The following TESK2 variants were observed in gnomAD, a reference collection of about 807,000 sequenced individuals.
TESK2 encodes testis associated actin remodelling kinase 2.
A neutral mutation model predicts 57.1 loss-of-function variants in TESK2; 39 were observed. The ratio of observed to expected loss-of-function variants is 0.68; its 90% CI spans 0.53 to 0.89. The LOEUF (loss-of-function observed/expected upper bound fraction) is 0.89, where lower values mean the gene tolerates loss of function less well. Ranked by LOEUF, TESK2 falls within the 40% of genes least tolerant of loss-of-function variation. The pLI is 0.00. For missense variants in TESK2, 646 were observed against 732.1 expected (o/e 0.88, Z 1.36); for synonymous variants, 249 against 267.9 (o/e 0.93, Z 0.69).
intron 3 of TESK2, among the ~76,000 whole-genome samples, chr1:45,402,960 C>A (rs1252141736): frequency 6.6e-6 from 1 of 151,622 alleles, no homozygotes; most frequent in Non-Finnish European, 1.5e-5. Context: ...ATTTCTTGGA[C>A]TTGGGCTAGA....
intron 4 of TESK2, among the ~76,000 whole-genome samples, chr1:45,373,741 A>T (rs575247771): frequency 6.6e-6 from 1 of 152,222 alleles, no homozygotes; most frequent in Non-Finnish European, 1.5e-5. Context: ...AAGACCACAT[A>T]AAGAGAAAGA....
At chr1:45,424,877 T>TA (rs1475708720) in intron 2 of TESK2, among the ~76,000 whole-genome samples, 1 of 152,052 alleles carries the variant, frequency 6.6e-6, no homozygotes, top group Non-Finnish European at 1.5e-5. Context: ...CTCTTCATAA[T>TA]AAAAACCCTC....
intron 5 of TESK2, among the ~76,000 whole-genome samples, chr1:45,353,149 C>T (rs1483794332): frequency 2.0e-5 from 3 of 152,186 alleles, no homozygotes; most frequent in South Asian, 2.1e-4. Context: ...CTGCCCGCCT[C>T]GGCCTCCCAA....
intron 4 of TESK2, among the ~76,000 whole-genome samples, chr1:45,369,217 G>A (rs1280235007): frequency 6.6e-6 from 1 of 152,022 alleles, no homozygotes; most frequent in Non-Finnish European, 1.5e-5. Context: ...ATGAAAGAAT[G>A]GGGCTGAGTG....
chr1:45,437,681 T>C (rs543554629), intron 2 of TESK2, among the ~76,000 whole-genome samples: 1 of 152,306 alleles, frequency 6.6e-6, no homozygotes, highest in Admixed American at 6.5e-5. Context: ...AGGTGTGGGT[T>C]TGTCATATAT....
intron 1 of TESK2, among the ~76,000 whole-genome samples, chr1:45,474,594 T>C (rs1557587852): frequency 6.6e-6 from 1 of 152,062 alleles, no homozygotes; most frequent in African/African-American, 2.4e-5. Flanking sequence ...TGCCTCAGTC[T>C]CCTGAGTAGC....
intron 3 of TESK2, among the ~76,000 whole-genome samples, chr1:45,420,754 G>GT (rs1046829683): frequency 2.0e-5 from 3 of 150,140 alleles, no homozygotes; most frequent in South Asian, 2.1e-4. Context: ...CCGGCTAACT[G>GT]TTTTTTTGTA....
At chr1:45,383,972 T>C in intron 4 of TESK2, among the ~76,000 whole-genome samples, 1 of 152,174 alleles carries the variant, frequency 6.6e-6, no homozygotes, top group East Asian at 1.9e-4. Flanking sequence ...AACAGCGGTA[T>C]AGGACTAAGT....
At chr1:45,396,260 A>T (rs1189695840) in intron 3 of TESK2, among the ~76,000 whole-genome samples, 1 of 151,532 alleles carries the variant, frequency 6.6e-6, no homozygotes, top group African/African-American at 2.4e-5. Context: ...TACCTGGCTA[A>T]TTTTTTTGTA....
intron 1 of TESK2, among the ~76,000 whole-genome samples, chr1:45,484,857 C>T (rs928942882): frequency 2.6e-5 from 4 of 151,904 alleles, no homozygotes; most frequent in Admixed American, 1.3e-4. Context: ...TAGTGAAACC[C>T]TGTCTCTACT....
chr1:45,459,769 G>C (rs1428435771), intron 1 of TESK2, among the ~76,000 whole-genome samples: 1 of 152,168 alleles, frequency 6.6e-6, no homozygotes, highest in East Asian at 1.9e-4. Context: ...CCTGAGCCCA[G>C]GAGTTTGAGG....
At chr1:45,348,406 C>T (rs1238825917) in intron 5 of TESK2, among the ~76,000 whole-genome samples, 1 of 152,236 alleles carries the variant, frequency 6.6e-6, no homozygotes, top group African/African-American at 2.4e-5. Context: ...ACCCAAAGCC[C>T]AGGCCTGACC....
chr1:45,465,438 A>G (rs1240410941), intron 1 of TESK2, among the ~76,000 whole-genome samples: 6 of 140,136 alleles, frequency 4.3e-5, no homozygotes, highest in Admixed American at 2.1e-4. Context: ...GAGAGAGAGA[A>G]AGAGAAAAGA....
intron 4 of TESK2, chr1:45,385,439 G>T: frequency 1.6e-6 from 1 of 618,296 alleles, no homozygotes; most frequent in Non-Finnish European, 2.0e-6. Flanking sequence ...GGAAACCACA[G>T]CAGGGACTGT....
At chr1:45,479,780 A>G (rs956548782) in intron 1 of TESK2, among the ~76,000 whole-genome samples, 1 of 151,588 alleles carries the variant, frequency 6.6e-6, no homozygotes, top group Non-Finnish European at 1.5e-5. Context: ...GGATAGATTA[A>G]AAAAATAAAG....
At chr1:45,408,552 G>A (rs948762149) in intron 3 of TESK2, among the ~76,000 whole-genome samples, 1 of 152,084 alleles carries the variant, frequency 6.6e-6, no homozygotes, top group Non-Finnish European at 1.5e-5. Flanking sequence ...AACTCAAAGA[G>A]CATGAGCCTA....
At chr1:45,349,676 A>G (rs1647204870) in intron 5 of TESK2, among the ~76,000 whole-genome samples, 1 of 152,130 alleles carries the variant, frequency 6.6e-6, no homozygotes, top group Non-Finnish European at 1.5e-5. Flanking sequence ...ATTTCCTCAC[A>G]CCTATTATAT....
At position 45,345,335 on chromosome 1, in the gene TESK2, G is replaced by C. The variant is rs752163664; in HGVS notation, c.1221C>G (p.Asp407Glu). Residue 407 changes from aspartate (D) to glutamate (E), a missense_variant, in exon 11 of 11, where the codon GAC (aspartate) becomes GAG (glutamate). By Grantham distance (45) the Asp-to-Glu change is conservative (BLOSUM62 2). Transcript: ENST00000372086. The stretch of plus-strand genomic sequence containing the variant: ...AAAACTTGATCTTGCCCCCCATGAG[G>C]TCCTGGCGAGCACTAAAAGGGTTGA... ...PKVNPFSARQ[D>E]LMGGKIKFFD... 8 of 1,614,142 alleles carry C rather than the reference G, an allele frequency of 5.0e-6. No homozygotes were observed. The highest frequency in any genetic ancestry group is 6.8e-6 in the Non-Finnish European group (8 of 1,180,028).
chr1:45,347,828 C>G (rs905036975), intron 6 of TESK2, 90 bp downstream of exon 6: 187 of 1,431,006 alleles, frequency 1.3e-4, no homozygotes, highest in Admixed American at 1.3e-4. Context: ...GAGCTGTGAC[C>G]AAGTCCTGGC....
Sources: gnomAD v4.1 joint callset for allele counts (sites outside exome capture counted in the v4.1 genomes callset) on GRCh38, gnomAD v4.1.1 for gene constraint, MANE v1.5 for transcripts, NCBI Gene and HGNC (gene_info 2026-07-23, HGNC 2026-07-21) for gene names.